KYAT1: variants seen among roughly 807,000 people sequenced by gnomAD.
KYAT1 encodes the protein kynurenine--oxoglutarate transaminase 1.
Under a neutral mutation model 52.4 loss-of-function variants are expected in KYAT1, and 47 were observed. The ratio of observed to expected loss-of-function variants is 0.90; its 90% CI spans 0.71 to 1.14. The LOEUF (loss-of-function observed/expected upper bound fraction) is 1.14, where lower values mean the gene tolerates loss of function less well. KYAT1 is among the 50% of genes most tolerant of loss of function. The pLI is 0.00. For missense variants in KYAT1, 480 were observed against 557.9 expected, an observed-to-expected ratio of 0.86 and a Z score of 1.41; for synonymous variants, 212 against 209.6, an observed-to-expected ratio of 1.01 and a Z score of -0.10.
At chr9:128,858,718 A>G (rs1835027813) in intron 1 of KYAT1, among the ~76,000 whole-genome samples, 1 of 151,728 alleles carries the variant, frequency 6.6e-6, no homozygotes, top group Non-Finnish European at 1.5e-5. Context: ...AAGAAAAAGA[A>G]TGTTTTAGGC....
intron 1 of KYAT1, among the ~76,000 whole-genome samples, chr9:128,874,935 G>C (rs1394127470): frequency 6.6e-6 from 1 of 151,790 alleles, no homozygotes. Flanking sequence ...ATGTTGGCCA[G>C]GCTGGTCTCG....
intron 1 of KYAT1, among the ~76,000 whole-genome samples, chr9:128,874,940 GTC>G (rs1239557337): frequency 6.6e-6 from 1 of 151,068 alleles, no homozygotes; most frequent in Non-Finnish European, 1.5e-5. Context: ...GGCCAGGCTG[GTC>G]TCGAACTCCT....
intron 3 of KYAT1, among the ~76,000 whole-genome samples, chr9:128,841,153 C>T (rs533979806): frequency 9.2e-5 from 14 of 152,242 alleles, no homozygotes; most frequent in Admixed American, 3.3e-4. Context: ...GGGTGGATCA[C>T]GAGGTCAAGA....
chr9:128,867,984 AG>A (rs1436318274), intron 1 of KYAT1, among the ~76,000 whole-genome samples: 4 of 152,142 alleles, frequency 2.6e-5, no homozygotes, highest in African/African-American at 7.2e-5. Flanking sequence ...CATGTTAGCC[AG>A]GATGGTCTCG....
chr9:128,854,909 T>C (rs1235598517), intron 1 of KYAT1, among the ~76,000 whole-genome samples: 1 of 152,224 alleles, frequency 6.6e-6, no homozygotes, highest in African/African-American at 2.4e-5. Context: ...GGATGCTTAA[T>C]GCCTACAACC....
Position 128,835,516 on chromosome 9 carries a change from C to A in KYAT1, c.1007G>T (p.Gly336Val). ...GATGTCTGTGATGAGGAAGTAGCTG[C>A]CCTGAGGGATGATGGGCTTCAGGCC... ...SVGLKPIIPQ[G>V]SYFLITDISD... Residue 336 changes from glycine (G) to valine (V), a missense_variant, in exon 10 of 13, where the codon GGC becomes GTC. Gly to Val is a moderately radical substitution (Grantham distance 109, BLOSUM62 -3). Transcript: ENST00000302586. 1 of 1,613,800 alleles carries A rather than the reference C, an allele frequency of 6.2e-7. No individual in the cohort carries two copies. Among genetic ancestry groups the A allele is most frequent in the Non-Finnish European group, 8.5e-7 (1 of 1,180,024 alleles).
intron 1 of KYAT1, among the ~76,000 whole-genome samples, chr9:128,857,807 G>T (rs1453651724): frequency 6.6e-6 from 1 of 152,202 alleles, no homozygotes; most frequent in Non-Finnish European, 1.5e-5. Flanking sequence ...CTGCACTCCA[G>T]CCTGGGCGAC....
intron 1 of KYAT1, among the ~76,000 whole-genome samples, chr9:128,880,828 G>C (rs1382978442): frequency 6.6e-6 from 1 of 152,130 alleles, no homozygotes; most frequent in African/African-American, 2.4e-5. Context: ...CCCAACAGAA[G>C]TGAAACTAGG....
intron 3 of KYAT1, among the ~76,000 whole-genome samples, chr9:128,838,613 G>T (rs545680268): frequency 4.6e-5 from 7 of 152,308 alleles, no homozygotes; most frequent in Non-Finnish European, 8.8e-5. Context: ...GTGCTATTGT[G>T]ATCCTGTGTA....
chr9:128,867,836 G>A (rs568078703), intron 1 of KYAT1, among the ~76,000 whole-genome samples: 7 of 152,322 alleles, frequency 4.6e-5, no homozygotes, highest in South Asian at 2.1e-4. Context: ...GCAGTGGCGC[G>A]ATCTTGGCTC....
At chr9:128,860,512 G>A (rs1271489128) in intron 1 of KYAT1, 2 of 151,458 alleles carry the variant, frequency 1.3e-5, no homozygotes, top group East Asian at 3.9e-4. Flanking sequence ...GTTACCCTGT[G>A]ACCTAATTTT....
At chr9:128,854,084 T>C (rs1406141951) in intron 1 of KYAT1, among the ~76,000 whole-genome samples, 6 of 152,218 alleles carry the variant, frequency 3.9e-5, no homozygotes, top group Non-Finnish European at 8.8e-5. Context: ...CAGGATACTG[T>C]AGTAAAGCAT....
At chr9:128,836,311 T>A (rs1347757914) in intron 7 of KYAT1, among the ~76,000 whole-genome samples, 1 of 149,780 alleles carries the variant, frequency 6.7e-6, no homozygotes, top group East Asian at 1.9e-4. Flanking sequence ...TGTTTTTTTT[T>A]TTTTTGAGAT....
intron 1 of KYAT1, among the ~76,000 whole-genome samples, chr9:128,873,419 C>A (rs1054265928): frequency 2.7e-5 from 4 of 149,690 alleles, no homozygotes. Context: ...ATTAGCAACA[C>A]TGAAAATTAA....
chr9:128,881,787 G>A (rs977607397), intron 1 of KYAT1, 110 bp downstream of exon 1: 1 of 152,198 alleles, frequency 6.6e-6, no homozygotes, highest in Non-Finnish European at 1.5e-5. Context: ...ATACTTAGTA[G>A]CATCAAACTC....
At chr9:128,853,428 T>C (rs1394285387) in intron 1 of KYAT1, among the ~76,000 whole-genome samples, 1 of 152,006 alleles carries the variant, frequency 6.6e-6, no homozygotes, top group Non-Finnish European at 1.5e-5. Context: ...AAGAGCAGAG[T>C]TGGTTGCTGT....
At chr9:128,862,001 T>C (rs1310640805) in intron 1 of KYAT1, among the ~76,000 whole-genome samples, 4 of 152,230 alleles carry the variant, frequency 2.6e-5, no homozygotes, top group Non-Finnish European at 5.9e-5. Context: ...CGGGACCCAC[T>C]CTACTGCTTT....
chr9:128,880,637 T>C (rs1838699740), intron 1 of KYAT1, among the ~76,000 whole-genome samples: 1 of 151,896 alleles, frequency 6.6e-6, no homozygotes, highest in African/African-American at 2.4e-5. Flanking sequence ...AGAGACGGGG[T>C]TTCACCGTGT....
rs193297622 is a variant in KYAT1 at position 128,843,243 on chromosome 9, G to C, written c.54-442C>G. ...AACAAAAACTAGACAATCAGCAACTGTCCTGGCCTGAAGATCTGCCTAAGT... is the reference window on the plus strand; with the variant it reads ...AACAAAAACTAGACAATCAGCAACTCTCCTGGCCTGAAGATCTGCCTAAGT... On this transcript the variant is annotated intron_variant, in intron 2 of 12. Transcript: ENST00000302586. Among the ~76,000 whole-genome samples, 487 of 152,234 alleles carry C rather than the reference G, an allele frequency of 3.2e-3. 1 individual carries two copies. Among genetic ancestry groups the C allele is most frequent in the Non-Finnish European group, 5.0e-3 (342 of 68,012 alleles).
Sources: allele counts gnomAD v4.1 joint callset (sites outside exome capture counted in the v4.1 genomes callset), GRCh38; gene constraint gnomAD v4.1.1; transcripts MANE v1.5; gene names NCBI Gene and HGNC (gene_info 2026-07-23, HGNC 2026-07-21).